NAALADL2: variants seen among roughly 807,000 people sequenced by gnomAD.
The protein encoded by NAALADL2 is N-acetylated alpha-linked acidic dipeptidase like 2, also known as inactive N-acetylated-alpha-linked acidic dipeptidase-like protein 2.
NAALADL2 carries 76 observed loss-of-function variants against 87.2 expected under a neutral mutation model. The ratio of observed to expected loss-of-function variants is 0.87; its 90% CI spans 0.72 to 1.05. NAALADL2 has a LOEUF of 1.05. Among genes scored for constraint, NAALADL2 ranks in the 50% least tolerant of loss-of-function variants. The pLI is 0.00. For synonymous variants in NAALADL2, 354 were observed against 331.0 expected, an observed-to-expected ratio of 1.07 and a Z score of -0.75; for missense variants, 1,089 against 945.8, an observed-to-expected ratio of 1.15 and a Z score of -1.99.
chr3:175,365,375 A>G (rs1039157939), intron 5 of NAALADL2, among the ~76,000 whole-genome samples: 1 of 147,300 alleles, frequency 6.8e-6, no homozygotes, highest in Non-Finnish European at 1.5e-5. Flanking sequence ...TATTTAGATA[A>G]TATTATTATC....
chr3:175,560,880 A>C (rs964653411), intron 9 of NAALADL2, among the ~76,000 whole-genome samples: 8 of 152,188 alleles, frequency 5.3e-5, no homozygotes, highest in African/African-American at 1.9e-4. Flanking sequence ...TTGGCTTCCC[A>C]AAGTGCTGGG....
At chr3:175,759,452 G>T (rs1472574122) in intron 13 of NAALADL2, among the ~76,000 whole-genome samples, 1 of 151,956 alleles carries the variant, frequency 6.6e-6, no homozygotes, top group Non-Finnish European at 1.5e-5. Flanking sequence ...CCACCTCCGG[G>T]GTTCAAGCGA....
chr3:175,036,253 T>C (rs1435520726), intron 1 of NAALADL2, among the ~76,000 whole-genome samples: 1 of 152,156 alleles, frequency 6.6e-6, no homozygotes, highest in Admixed American at 6.5e-5. Flanking sequence ...TATATTTATA[T>C]CTTTTCTAAT....
intron 4 of NAALADL2, among the ~76,000 whole-genome samples, chr3:175,286,298 A>T (rs576435693): frequency 6.6e-6 from 1 of 152,144 alleles, no homozygotes. Flanking sequence ...AAAAAGGAGG[A>T]GGAGGAGGCT....
chr3:175,553,277 C>G (rs544695653), intron 9 of NAALADL2, among the ~76,000 whole-genome samples: 1 of 152,092 alleles, frequency 6.6e-6, no homozygotes, highest in Non-Finnish European at 1.5e-5. Flanking sequence ...TTGGGCTCTA[C>G]GCCAAATGAT....
intron 1 of NAALADL2, among the ~76,000 whole-genome samples, chr3:174,534,484 A>G (rs529001976): frequency 5.3e-5 from 8 of 152,214 alleles, no homozygotes; most frequent in Non-Finnish European, 1.0e-4. Context: ...CTTCTCTGCC[A>G]TCCTCACGAT....
intron 2 of NAALADL2, among the ~76,000 whole-genome samples, chr3:175,179,503 G>T (rs993524298): frequency 1.3e-5 from 2 of 151,842 alleles, no homozygotes; most frequent in African/African-American, 4.8e-5. Flanking sequence ...GTAGCCTATG[G>T]AATTTTACTG....
At chr3:174,455,587 T>A (rs957916862) in intron 1 of NAALADL2, among the ~76,000 whole-genome samples, 4 of 152,144 alleles carry the variant, frequency 2.6e-5, no homozygotes, top group Non-Finnish European at 4.4e-5. Flanking sequence ...TCAGTAAGTG[T>A]GATTCATCAC....
intron 3 of NAALADL2, among the ~76,000 whole-genome samples, chr3:174,791,948 C>A (rs1717504705): frequency 1.3e-5 from 2 of 152,116 alleles, no homozygotes; most frequent in East Asian, 1.9e-4. Flanking sequence ...ATGGCTGACA[C>A]CTGTAATCCC....
chr3:174,486,884 A>G (rs956955880), intron 1 of NAALADL2, among the ~76,000 whole-genome samples: 15 of 152,046 alleles, frequency 9.9e-5, no homozygotes, highest in Non-Finnish European at 1.5e-5. Flanking sequence ...AAAACCACAT[A>G]CATATGAATA....
intron 5 of NAALADL2, among the ~76,000 whole-genome samples, chr3:175,376,756 C>T (rs1767174980): frequency 6.6e-6 from 1 of 152,116 alleles, no homozygotes; most frequent in Non-Finnish European, 1.5e-5. Context: ...TATTGGATAG[C>T]TTGCTATTAT....
At chr3:175,484,229 T>C (rs1726922830) in intron 9 of NAALADL2, among the ~76,000 whole-genome samples, 1 of 152,130 alleles carries the variant, frequency 6.6e-6, no homozygotes, top group African/African-American at 2.4e-5. Flanking sequence ...ATTTATAATA[T>C]ATACATATTT....
intron 1 of NAALADL2, among the ~76,000 whole-genome samples, chr3:174,956,788 T>C (rs1014847483): frequency 6.6e-6 from 1 of 151,940 alleles, no homozygotes; most frequent in Non-Finnish European, 1.5e-5. Flanking sequence ...GTAACAAGAA[T>C]GTGGGATGAG....
intron 11 of NAALADL2, among the ~76,000 whole-genome samples, chr3:175,678,730 G>A (rs184920978): frequency 3.3e-5 from 5 of 152,026 alleles, no homozygotes; most frequent in South Asian, 4.1e-4. Context: ...GTCGTGGGGT[G>A]GGGGGAGAGG....
chr3:174,553,074 C>CT (rs1712343622), intron 2 of NAALADL2, among the ~76,000 whole-genome samples: 1 of 152,082 alleles, frequency 6.6e-6, no homozygotes, highest in African/African-American at 2.4e-5. Flanking sequence ...TTTTATATAT[C>CT]AGGTTTTACC....
intron 2 of NAALADL2, among the ~76,000 whole-genome samples, chr3:175,232,952 T>C (rs1201047859): frequency 6.6e-6 from 1 of 152,140 alleles, no homozygotes; most frequent in East Asian, 1.9e-4. Flanking sequence ...TCATGTCTGA[T>C]TCTGTTCTAG....
chr3:175,565,276 A>G (rs557807601), intron 9 of NAALADL2, among the ~76,000 whole-genome samples: 5 of 152,214 alleles, frequency 3.3e-5, no homozygotes, highest in Non-Finnish European at 7.3e-5. Context: ...CATCTCATAG[A>G]ATTGCATTAT....
intron 5 of NAALADL2, among the ~76,000 whole-genome samples, chr3:175,438,707 A>G (rs937113973): frequency 6.6e-6 from 1 of 152,110 alleles, no homozygotes; most frequent in Non-Finnish European, 1.5e-5. Context: ...TCACTTAGCT[A>G]TTGTAATATT....
intron 10 of NAALADL2, among the ~76,000 whole-genome samples, chr3:175,599,294 A>G (rs917050693): frequency 6.6e-6 from 1 of 152,108 alleles, no homozygotes; most frequent in African/African-American, 2.4e-5. Flanking sequence ...TGATCATCTC[A>G]GTTTCAGTTT....
Sources: allele counts gnomAD v4.1 joint callset (sites outside exome capture counted in the v4.1 genomes callset), GRCh38; gene constraint gnomAD v4.1.1; transcripts MANE v1.5; gene names NCBI Gene and HGNC (gene_info 2026-07-23, HGNC 2026-07-21).